The following CRMP1 variants were observed in gnomAD, a reference collection of about 807,000 sequenced individuals.
CRMP1 encodes collapsin response mediator protein 1.
A neutral mutation model predicts 68.3 loss-of-function variants in CRMP1; 19 were observed. That is an observed-to-expected ratio of 0.28 (90% CI 0.19 to 0.41). The LOEUF (loss-of-function observed/expected upper bound fraction) is 0.41, where lower values mean the gene tolerates loss of function less well. Ranked by LOEUF, CRMP1 falls within the 10% of genes least tolerant of loss-of-function variation. The pLI is 1.00. For missense variants in CRMP1, 791 were observed against 967.4 expected, an observed-to-expected ratio of 0.82 and a Z score of 2.42; for synonymous variants, 439 against 399.6, an observed-to-expected ratio of 1.10 and a Z score of -1.18.
At chr4:5,867,033 T>C (rs1714044849) in intron 1 of CRMP1, among the ~76,000 whole-genome samples, 1 of 152,096 alleles carries the variant, frequency 6.6e-6, no homozygotes, top group African/African-American at 2.4e-5. Flanking sequence ...CTTCACTAGA[T>C]CTCTCTCACT....
At chr4:5,836,460 A>T (rs1720732024) in intron 10 of CRMP1, among the ~76,000 whole-genome samples, 1 of 152,238 alleles carries the variant, frequency 6.6e-6, no homozygotes, top group Admixed American at 6.5e-5. Context: ...ACGTGTGCAC[A>T]TGCACACACA....
At position 5,834,911 on chromosome 4, in the gene CRMP1, C is replaced by T. The variant is rs919103671; in HGVS notation, c.1623+1004G>A. ...AAGGTCAGTGAGCAGCTACCGAGAC[C>T]TCTGCTTCTGCAGGCCATGTCTGTG... On this transcript the variant is annotated intron_variant, in intron 11 of 13. Coordinates refer to ENST00000324989, the MANE Select transcript of CRMP1 (RefSeq NM_001014809.3). The surrounding 1 kb of genome is among the most constrained non-coding windows in gnomAD (Gnocchi z 4.3). 6.6e-6 allele frequency among the ~76,000 whole-genome samples: 1 copy of T among 152,182 alleles called. No individual in the cohort carries two copies. The highest frequency in any genetic ancestry group is 2.4e-5 in the African/African-American group (1 of 41,450).
At chr4:5,830,207 T>G (rs1720265569) in intron 11 of CRMP1, among the ~76,000 whole-genome samples, 1 of 152,222 alleles carries the variant, frequency 6.6e-6, no homozygotes, top group Admixed American at 6.5e-5. Flanking sequence ...TTCTTCTTAC[T>G]GATTTCTAAA....
intron 1 of CRMP1, among the ~76,000 whole-genome samples, chr4:5,880,802 A>T (rs1715174818): frequency 6.6e-6 from 1 of 152,220 alleles, no homozygotes; most frequent in Admixed American, 6.5e-5. Context: ...TGCCTTGTTA[A>T]GGAAGACTAA....
In CRMP1 at chr4:5,857,017, T is replaced by TCCA. The variant is rs1713157817; in HGVS notation, c.656-711_656-710insTGG. 3.0e-3 allele frequency among the ~76,000 whole-genome samples: 22 copies of TCCA among 7,350 alleles called. No individual in the cohort carries two copies. In the South Asian group the frequency reaches 0.038, roughly 13 times the overall value. The allele number at this position is 7,350 out of a possible 152,430, so 4.8% of individuals were successfully genotyped here. On this transcript the variant is annotated intron_variant, in intron 3 of 13. Transcript: ENST00000324989. Reference sequence around the variant, plus strand: ...CCACCATCCACTATCATCACCACCATCTGCTATCATCACCACCATCCACTA... The same window carrying TCCA: ...CCACCATCCACTATCATCACCACCATCCACTGCTATCATCACCACCATCCACTA...
rs1159979525 is a variant in CRMP1, at chr4:5,889,134, T to A, written c.381+3455A>T. Among the ~76,000 whole-genome samples the A allele has an allele frequency of 6.6e-6, 1 of 152,032 alleles. No individual in the cohort carries two copies. The highest frequency in any genetic ancestry group is 2.4e-5 in the African/African-American group (1 of 41,398). On this transcript the variant is annotated intron_variant, in intron 1 of 13. Transcript: ENST00000324989. This position sits in a 1 kb window ranked among gnomAD's most constrained non-coding sequence, Gnocchi z 4.5. ...AAGCCTCTCCCTGCCACCCTCTCCATCCTAGCATTGAACCAGCCCTCCCTG... is the reference window on the plus strand; with the variant it reads ...AAGCCTCTCCCTGCCACCCTCTCCAACCTAGCATTGAACCAGCCCTCCCTG...
intron 13 of CRMP1, chr4:5,824,668 T>TTGC (rs752773861): frequency 1.0e-6 from 1 of 962,708 alleles, no homozygotes; most frequent in African/African-American, 1.8e-5. Flanking sequence ...ATCCTAGATG[T>TTGC]TGACATCCTA....
intron 6 of CRMP1, among the ~76,000 whole-genome samples, chr4:5,847,051 G>A (rs1427044115): frequency 6.6e-6 from 1 of 152,258 alleles, no homozygotes; most frequent in Non-Finnish European, 1.5e-5. Flanking sequence ...AAGAGCTATG[G>A]AGACTTATTC....
In CRMP1 at chr4:5,889,908, G is replaced by A. The variant is rs568904860; in HGVS notation, c.381+2681C>T. 1.0e-3 allele frequency: 1,404 copies of A among 1,396,202 alleles called. 3 individuals are homozygous for A. The highest frequency in any genetic ancestry group is 1.2e-3 in the Non-Finnish European group (1,339 of 1,075,704). The allele number at this position is 1,396,202 out of a possible 1,614,324, so 86.5% of individuals were successfully genotyped here. A position where few individuals can be genotyped will look rare whatever the true frequency, so the allele number is the denominator to read the frequency against. Reference sequence around the variant, plus strand: ...CCAGCTCAGTATCCCAGGAACACTAGGCATAATTTTCCCATTTTACAGACA... The same window carrying A: ...CCAGCTCAGTATCCCAGGAACACTAAGCATAATTTTCCCATTTTACAGACA... On this transcript the variant is annotated intron_variant, in intron 1 of 13. Transcript: ENST00000324989. This position sits in a 1 kb window ranked among gnomAD's most constrained non-coding sequence, Gnocchi z 4.5.
rs546132211 is a variant in CRMP1 at position 5,854,972 on chromosome 4, A to C, written c.820+1171T>G. ...CCGTAACAGGATTTATAATAAAACGAATAGAAAGCATAAATGCCCAATAAA... is the reference window on the plus strand; with the variant it reads ...CCGTAACAGGATTTATAATAAAACGCATAGAAAGCATAAATGCCCAATAAA... On this transcript the variant is annotated intron_variant, in intron 4 of 13. Coordinates refer to ENST00000324989, the MANE Select transcript of CRMP1 (RefSeq NM_001014809.3). This position sits in a 1 kb window ranked among gnomAD's most constrained non-coding sequence, Gnocchi z 4.0. Among the ~76,000 whole-genome samples the C allele has an allele frequency of 6.6e-6, 1 of 152,382 alleles. No homozygotes were observed. Among genetic ancestry groups the C allele is most frequent in the East Asian group, 1.9e-4 (1 of 5,192 alleles).
rs1271551043 is a variant in CRMP1 at position 5,858,923 on chromosome 4, G to T, written c.655+2103C>A. Among the ~76,000 whole-genome samples, 2 of 152,086 alleles carry T rather than the reference G, an allele frequency of 1.3e-5. No homozygotes were observed. Among genetic ancestry groups the T allele is most frequent in the Non-Finnish European group, 2.9e-5 (2 of 68,030 alleles). On this transcript the variant is annotated intron_variant, in intron 3 of 13. Transcript: ENST00000324989. The surrounding 1 kb of genome is among the most constrained non-coding windows in gnomAD (Gnocchi z 5.5). Reference sequence around the variant, plus strand: ...GCACATGCTATTCCCTCCTCCTGGGGCTCTGCTTTTCTCTGCCCTCTTCTC... The same window carrying T: ...GCACATGCTATTCCCTCCTCCTGGGTCTCTGCTTTTCTCTGCCCTCTTCTC...
In CRMP1 at chr4:5,891,766, C is replaced by G. The variant is rs933172284; in HGVS notation, c.381+823G>C. Among the ~76,000 whole-genome samples, 1 of 152,228 alleles carries G rather than the reference C, an allele frequency of 6.6e-6. No individual in the cohort carries two copies. The highest frequency in any genetic ancestry group is 2.4e-5 in the African/African-American group (1 of 41,464). On this transcript the variant is annotated intron_variant, in intron 1 of 13. Transcript: ENST00000324989. The surrounding 1 kb of genome is among the most constrained non-coding windows in gnomAD (Gnocchi z 5.2). ...CTACGCCGTCCATCCGCCCTTCTTC[C>G]CCCAGTTTCCTGGTGACCCCCAGCT... is the stretch of plus-strand genomic sequence containing the variant.
At chr4:5,874,366 G>A (rs995147758) in intron 1 of CRMP1, among the ~76,000 whole-genome samples, 1 of 152,220 alleles carries the variant, frequency 6.6e-6, no homozygotes. Context: ...AAAATGAAGT[G>A]GATCTGGAGT....
chr4:5,862,831 T>C (rs987009066), intron 2 of CRMP1, among the ~76,000 whole-genome samples: 18 of 152,138 alleles, frequency 1.2e-4, no homozygotes, highest in Non-Finnish European at 2.6e-4. Context: ...ATTTTGGAGA[T>C]AGGGTCTCTG....
Position 5,828,525 on chromosome 4 carries a change from C to T in CRMP1, c.1767G>A (p.Pro589=), listed in dbSNP as rs199775479. 33 of 1,614,222 alleles carry T rather than the reference C, an allele frequency of 2.0e-5. No individual in the cohort carries two copies. The East Asian group carries it at 2.5e-4, about 12-fold the overall frequency. The part of the protein sequence containing the change: ...MGRFIPRKAF[P]EHLYQRVKIR... ...TTTTGACGCGCTGGTACAGGTGCTC[C>T]GGGAACGCCTTCCGCGGAATGAAGC... Residue 589 remains proline, a synonymous_variant, in exon 12 of 14, where the codon CCG becomes CCA. Transcript: ENST00000324989.
chr4:5,880,454 T>C (rs1318837368), intron 1 of CRMP1, among the ~76,000 whole-genome samples: 1 of 152,204 alleles, frequency 6.6e-6, no homozygotes. Context: ...AGCCACCTTT[T>C]TGCTGTATGT....
In CRMP1 at chr4:5,879,049, T is replaced by C. The variant is rs1715048351; in HGVS notation, c.382-12293A>G. The stretch of plus-strand genomic sequence containing the variant: ...ACTCCATATGACAGGCAGAGTGACC[T>C]TTCTGAAATGCAAATCCAACCATGC... On this transcript the variant is annotated intron_variant, in intron 1 of 13. Transcript: ENST00000324989. The surrounding 1 kb of genome is among the most constrained non-coding windows in gnomAD (Gnocchi z 4.2). Among the ~76,000 whole-genome samples the C allele has an allele frequency of 6.6e-6, 1 of 152,162 alleles. No homozygotes were observed. Among genetic ancestry groups the C allele is most frequent in the Non-Finnish European group, 1.5e-5 (1 of 68,020 alleles).
rs1423979939 is a variant in CRMP1 at position 5,890,449 on chromosome 4, G to T, written c.381+2140C>A. On this transcript the variant is annotated intron_variant, in intron 1 of 13. Coordinates refer to ENST00000324989, the MANE Select transcript of CRMP1 (RefSeq NM_001014809.3). This position sits in a 1 kb window ranked among gnomAD's most constrained non-coding sequence, Gnocchi z 5.5. ...CGGGGGGGGAAGGGCCGGGGCACCC[G>T]TTGCGAAGCCCTGGAGCGGTGAGGC... 1.3e-5 allele frequency among the ~76,000 whole-genome samples: 2 copies of T among 152,226 alleles called. No individual in the cohort carries two copies. Among genetic ancestry groups the T allele is most frequent in the East Asian group, 1.9e-4 (1 of 5,176 alleles).
At position 5,860,976 on chromosome 4, in the gene CRMP1, G is replaced by T. The variant is rs144099215; in HGVS notation, c.655+50C>A. The T allele has an allele frequency of 6.4e-7, 1 of 1,569,514 alleles. No individual in the cohort carries two copies. The highest frequency in any genetic ancestry group is 8.7e-7 in the Non-Finnish European group (1 of 1,149,546). ...GAGCACTTGTGATGCTGGTGATGGG[G>T]AGGAGACCTCACAGTCTATGTCCCT... On this transcript the variant is annotated intron_variant, in intron 3 of 13. Transcript: ENST00000324989. The surrounding 1 kb of genome is among the most constrained non-coding windows in gnomAD (Gnocchi z 4.2).
Sources: gnomAD v4.1 joint callset for allele counts (sites outside exome capture counted in the v4.1 genomes callset) on GRCh38, gnomAD v4.1.1 for gene constraint, Gnocchi (gnomAD v3.1) non-coding constraint, MANE v1.5 for transcripts, NCBI Gene and HGNC (gene_info 2026-07-23, HGNC 2026-07-21) for gene names.